The following TGFBR2 variants were observed in gnomAD, a reference collection of about 807,000 sequenced individuals.
TGFBR2 encodes the protein transforming growth factor beta receptor 2.
A neutral mutation model predicts 49.0 loss-of-function variants in TGFBR2; 18 were observed. The observed-to-expected ratio is 0.37, with a 90% CI of 0.25 to 0.54. The LOEUF is 0.54. Ranked by LOEUF, TGFBR2 falls within the 20% of genes least tolerant of loss-of-function variation. TGFBR2 has a pLI of 0.85. For synonymous variants in TGFBR2, 282 were observed against 275.9 expected, an observed-to-expected ratio of 1.02 and a Z score of -0.22; for missense variants, 525 against 722.6, an observed-to-expected ratio of 0.73 and a Z score of 3.13.
At chr3:30,674,678 GGACAT>G (rs1244781060) in intron 5 of TGFBR2, among the ~76,000 whole-genome samples, 1 of 151,992 alleles carries the variant, frequency 6.6e-6, no homozygotes, top group Non-Finnish European at 1.5e-5. Context: ...TTACTTTTAT[GGACAT>G]GACATTGTTT....
At chr3:30,634,712 A>G (rs1698498808) in intron 1 of TGFBR2, among the ~76,000 whole-genome samples, 2 of 152,190 alleles carry the variant, frequency 1.3e-5, no homozygotes, top group Admixed American at 6.5e-5. Flanking sequence ...TTTATTTTCA[A>G]TAATAAATTA....
At chr3:30,633,842 CT>C (rs1388767058) in intron 1 of TGFBR2, among the ~76,000 whole-genome samples, 1 of 152,196 alleles carries the variant, frequency 6.6e-6, no homozygotes, top group African/African-American at 2.4e-5. Context: ...GTGTCCAGCT[CT>C]TGTACCCACT....
chr3:30,623,971 A>G (rs769226114), intron 1 of TGFBR2, among the ~76,000 whole-genome samples: 10 of 151,924 alleles, frequency 6.6e-5, no homozygotes, highest in South Asian at 2.1e-4. Context: ...GTGAAACCCT[A>G]TCTCTACTAA....
At position 30,676,835 on chromosome 3, in the gene TGFBR2, T is replaced by C. The variant is rs147041059; in HGVS notation, c.1396+2589T>C. ...ACATAGTTATTATTATCTAGTTTCT[T>C]GACTGAGATTTCTTCCCCCAAAACA... On this transcript the variant is annotated intron_variant, in intron 5 of 6. Transcript: ENST00000295754. The surrounding 1 kb of genome is among the most constrained non-coding windows in gnomAD (Gnocchi z 4.3). Among the ~76,000 whole-genome samples the C allele has an allele frequency of 2.9e-3, 442 of 152,358 alleles. 8 individuals carry two copies. Among genetic ancestry groups the C allele is most frequent in the Admixed American group, 0.025 (387 of 15,310 alleles).
chr3:30,646,734 C>A (rs1698748664), intron 2 of TGFBR2, among the ~76,000 whole-genome samples: 1 of 152,096 alleles, frequency 6.6e-6, no homozygotes, highest in Non-Finnish European at 1.5e-5. Context: ...TAGATGGCCT[C>A]AAAGCTTCCT....
intron 6 of TGFBR2, among the ~76,000 whole-genome samples, chr3:30,691,002 ACT>A (rs1376370762): frequency 2.0e-5 from 3 of 151,984 alleles, no homozygotes; most frequent in East Asian, 1.9e-4. Context: ...TTTTGTGAAA[ACT>A]CTCTGTACTT....
At chr3:30,636,458 G>T (rs532618826) in intron 1 of TGFBR2, among the ~76,000 whole-genome samples, 3 of 152,208 alleles carry the variant, frequency 2.0e-5, no homozygotes, top group South Asian at 2.1e-4. Flanking sequence ...GTGCCCAGAG[G>T]CTATGTGGGG....
intron 3 of TGFBR2, among the ~76,000 whole-genome samples, chr3:30,652,987 TTA>T (rs1698922722): frequency 6.6e-6 from 1 of 152,186 alleles, no homozygotes; most frequent in African/African-American, 2.4e-5. Context: ...TCAGACTTTC[TTA>T]TGAAGTGAGA....
intron 1 of TGFBR2, among the ~76,000 whole-genome samples, chr3:30,614,073 G>A (rs1023930473): frequency 1.4e-4 from 20 of 146,304 alleles, no homozygotes; most frequent in South Asian, 6.6e-4. Context: ...CTTAGTTTGC[G>A]TTGTCCTGAA....
Position 30,606,690 on chromosome 3 carries a change from G to A in TGFBR2, c.-194G>A. 1 of 389,512 alleles carries A rather than the reference G, an allele frequency of 2.6e-6. No individual in the cohort carries two copies. Among genetic ancestry groups the A allele is most frequent in the East Asian group, 3.7e-5 (1 of 27,330 alleles). 24.1% of individuals were successfully genotyped at this position (389,512 alleles called of 1,614,324 possible). A position where few individuals can be genotyped will look rare whatever the true frequency, so the allele number is the denominator to read the frequency against. On this transcript the variant is annotated 5_prime_UTR_variant, in exon 1 of 7. Coordinates refer to ENST00000295754, the MANE Select transcript of TGFBR2 (RefSeq NM_003242.6). ...TGTGCAGCTTCCCTCGGCCGCCGGG[G>A]GCCTCCCCGCGCCTCGCCGGCCTCC...
intron 1 of TGFBR2, among the ~76,000 whole-genome samples, chr3:30,618,112 T>G (rs59358052): frequency 0.011 from 1,729 of 152,200 alleles, 28 homozygotes; most frequent in African/African-American, 0.039. Context: ...ACTAAATGAG[T>G]CAGTTTTTAA....
At chr3:30,686,781 G>A (rs1472388305) in intron 5 of TGFBR2, among the ~76,000 whole-genome samples, 1 of 152,152 alleles carries the variant, frequency 6.6e-6, no homozygotes, top group Non-Finnish European at 1.5e-5. Context: ...GTACTGGGAT[G>A]TTTTCTATCT....
rs775897166 is a variant in TGFBR2, at chr3:30,672,184, A to G, written c.1001A>G (p.Gln334Arg). 1 of 1,613,336 alleles carries G rather than the reference A, an allele frequency of 6.2e-7. No homozygotes were observed. Among genetic ancestry groups the G allele is most frequent in the Admixed American group, 1.7e-5 (1 of 60,024 alleles). Residue 334 changes from glutamine to arginine, a missense_variant, in exon 4 of 7, where the codon CAG becomes CGG. This residue lies in a region of TGFBR2 where 376 missense variants were observed against 478.2 expected (regional missense o/e 0.79). Coordinates refer to ENST00000295754, the MANE Select transcript of TGFBR2 (RefSeq NM_003242.6). This position sits in a 1 kb window ranked among gnomAD's most constrained non-coding sequence, Gnocchi z 4.5. The part of the protein sequence containing the change: ...ITAFHAKGNL[Q>R]EYLTRHVISW... The stretch of plus-strand genomic sequence containing the variant: ...GCCTTCCACGCCAAGGGCAACCTAC[A>G]GGAGTACCTGACGCGGCATGTCATC...
At chr3:30,670,099 C>T (rs777663339) in intron 3 of TGFBR2, among the ~76,000 whole-genome samples, 13 of 151,986 alleles carry the variant, frequency 8.6e-5, no homozygotes, top group South Asian at 4.1e-4. Context: ...CTTTCTATTC[C>T]GCAGGTGCAG....
chr3:30,681,769 G>A (rs774159670), intron 5 of TGFBR2, among the ~76,000 whole-genome samples: 2 of 152,222 alleles, frequency 1.3e-5, no homozygotes, highest in Non-Finnish European at 2.9e-5. Context: ...GACTTGGTTT[G>A]ATGAACTAAT....
chr3:30,625,849 C>T (rs1392808734), intron 1 of TGFBR2, among the ~76,000 whole-genome samples: 1 of 152,174 alleles, frequency 6.6e-6, no homozygotes, highest in Admixed American at 6.5e-5. Flanking sequence ...AGAAGCAACA[C>T]CTATGGGCCT....
chr3:30,617,821 C>T (rs1698158535), intron 1 of TGFBR2, among the ~76,000 whole-genome samples: 1 of 152,176 alleles, frequency 6.6e-6, no homozygotes, highest in African/African-American at 2.4e-5. Context: ...GGTCCTCTCC[C>T]CAGACCTACT....
intron 1 of TGFBR2, among the ~76,000 whole-genome samples, chr3:30,640,048 A>G (rs1158804711): frequency 2.6e-5 from 4 of 152,228 alleles, no homozygotes; most frequent in Non-Finnish European, 5.9e-5. Flanking sequence ...CTAAGCAGTC[A>G]ATTCATATTC....
intron 5 of TGFBR2, among the ~76,000 whole-genome samples, chr3:30,684,682 G>A (rs192630383): frequency 3.9e-4 from 59 of 151,948 alleles, no homozygotes; most frequent in African/African-American, 1.3e-3. Flanking sequence ...CCCATAAGTC[G>A]AAGATGGGAA....
Sources: allele counts gnomAD v4.1 joint callset (sites outside exome capture counted in the v4.1 genomes callset), GRCh38; gene constraint gnomAD v4.1.1; regional missense constraint gnomAD v4.1.1; non-coding constraint Gnocchi (gnomAD v3.1); transcripts MANE v1.5; gene names NCBI Gene and HGNC (gene_info 2026-07-23, HGNC 2026-07-21).